TUBB8: variants seen among roughly 807,000 people sequenced by gnomAD.
TUBB8 encodes tubulin beta 8 class VIII.
TUBB8 carries 25 observed loss-of-function variants against 33.7 expected under a neutral mutation model. The observed-to-expected ratio is 0.74, with a 90% CI of 0.54 to 1.04. The LOEUF (loss-of-function observed/expected upper bound fraction) is 1.04, where lower values mean the gene tolerates loss of function less well. Ranked by LOEUF, TUBB8 falls within the 50% of genes least tolerant of loss-of-function variation. TUBB8 has a pLI of 0.00. For synonymous variants in TUBB8, 245 were observed against 240.1 expected (o/e 1.02, Z -0.19); for missense variants, 279 against 608.0 (o/e 0.46, Z 5.69).
chr10:68,879 T>C (rs1448440753), intron 1 of TUBB8, among the ~76,000 whole-genome samples: 1 of 152,220 alleles, frequency 6.6e-6, no homozygotes, highest in African/African-American at 2.4e-5. Context: ...GATTGGGTTT[T>C]CCTTTTTCTG....
At chr10:56,021 A>T (rs1455141694) in intron 1 of TUBB8, among the ~76,000 whole-genome samples, 6 of 152,230 alleles carry the variant, frequency 3.9e-5, no homozygotes, top group African/African-American at 1.4e-4. Flanking sequence ...TCTGTGAGGA[A>T]TGTCATTGTT....
At chr10:71,121 T>C (rs1218498799) in intron 1 of TUBB8, among the ~76,000 whole-genome samples, 5 of 151,724 alleles carry the variant, frequency 3.3e-5, no homozygotes, top group Non-Finnish European at 7.4e-5. Context: ...AGACCAGCCT[T>C]GCCAGCATGG....
intron 1 of TUBB8, among the ~76,000 whole-genome samples, chr10:68,569 T>C (rs1202352336): frequency 1.3e-5 from 2 of 152,208 alleles, no homozygotes; most frequent in African/African-American, 2.4e-5. Flanking sequence ...CATCTCTGCT[T>C]TACTGACATG....
At chr10:50,116 C>G (rs1338248706), upstream of TUBB8, 1 of 152,502 alleles carries the variant, frequency 6.6e-6, no homozygotes, top group Non-Finnish European at 1.5e-5. Flanking sequence ...TGGATAGGTT[C>G]CTCAATTTTG....
At chr10:73,688 C>T (rs1303473697) in intron 1 of TUBB8, among the ~76,000 whole-genome samples, 4 of 151,762 alleles carry the variant, frequency 2.6e-5, no homozygotes. Context: ...CGGGGGCGCC[C>T]GTTTCCTCGA....
intron 1 of TUBB8, chr10:73,958 C>T (rs1196898942): frequency 1.3e-5 from 2 of 156,230 alleles, no homozygotes; most frequent in Non-Finnish European, 2.9e-5. Context: ...GGCAGGAAGC[C>T]TTTTCCTCAC....
chr10:71,348 C>T (rs560967715), intron 1 of TUBB8, among the ~76,000 whole-genome samples: 20 of 152,172 alleles, frequency 1.3e-4, no homozygotes, highest in African/African-American at 4.3e-4. Flanking sequence ...AAAAATACCG[C>T]AGGGCTGGGC....
chr10:51,692 C>T (rs1554739599), upstream of TUBB8, among the ~76,000 whole-genome samples: 1 of 151,468 alleles, frequency 6.6e-6, no homozygotes, highest in Non-Finnish European at 1.5e-5. Context: ...TCTGGAGGGT[C>T]GGTCTAGCAA....
At chr10:65,124 G>C (rs1242520928) in intron 1 of TUBB8, among the ~76,000 whole-genome samples, 4 of 152,142 alleles carry the variant, frequency 2.6e-5, no homozygotes, top group African/African-American at 9.6e-5. Context: ...CTCCTCCCTG[G>C]GCAACAGAGC....
chr10:67,840 T>C (rs1226160045), intron 1 of TUBB8, among the ~76,000 whole-genome samples: 1 of 152,234 alleles, frequency 6.6e-6, no homozygotes. Context: ...GCCACAATCC[T>C]AGCTCTTCAG....
intron 1 of TUBB8, among the ~76,000 whole-genome samples, chr10:64,148 A>G (rs1554741264): frequency 1.3e-5 from 2 of 152,108 alleles, no homozygotes; most frequent in Non-Finnish European, 1.5e-5. Context: ...TTGGGGTAAC[A>G]TAAGCACCCC....
chr10:66,000 T>C (rs189131086), intron 1 of TUBB8, among the ~76,000 whole-genome samples: 1 of 152,292 alleles, frequency 6.6e-6, no homozygotes, highest in African/African-American at 2.4e-5. Context: ...GGATAGGAAT[T>C]TTCTAAACAC....
upstream of TUBB8, among the ~76,000 whole-genome samples, chr10:54,085 A>AT (rs1475203135): frequency 6.0e-5 from 9 of 150,342 alleles, no homozygotes; most frequent in Admixed American, 3.3e-4. Context: ...TGTATAAATT[A>AT]TTTTTTTACC....
intron 1 of TUBB8, among the ~76,000 whole-genome samples, chr10:64,324 C>T (rs1203094079): frequency 8.2e-4 from 103 of 126,084 alleles, no homozygotes; most frequent in Non-Finnish European, 1.5e-3. Flanking sequence ...AACCCTAGTC[C>T]TAGCCTTAGC....
intron 1 of TUBB8, among the ~76,000 whole-genome samples, chr10:56,902 C>A (rs1554740200): frequency 2.0e-5 from 3 of 152,128 alleles, no homozygotes; most frequent in Admixed American, 6.5e-5. Flanking sequence ...AGTCAAAAGT[C>A]TCATCTAAGA....
upstream of TUBB8, among the ~76,000 whole-genome samples, chr10:74,399 G>A (rs1554742829): frequency 1.3e-5 from 2 of 149,428 alleles, no homozygotes; most frequent in African/African-American, 4.9e-5. Context: ...GGCCGAGTCG[G>A]GCGGATCACT....
chr10:63,187 C>T (rs183895035), intron 1 of TUBB8, among the ~76,000 whole-genome samples: 3,781 of 152,182 alleles, frequency 0.025, 51 homozygotes, highest in Middle Eastern at 0.068. Context: ...CATTCTCCTG[C>T]CTCAGCCTCC....
chr10:53,922 ATAGT>A (rs1554739902), upstream of TUBB8, among the ~76,000 whole-genome samples: 1 of 152,282 alleles, frequency 6.6e-6, no homozygotes, highest in Non-Finnish European at 1.5e-5. Flanking sequence ...TTGTGGGTAC[ATAGT>A]TGGTGTATAT....
rs1554738893 is a variant in TUBB8, at chr10:48,849, G to A, written c.121C>T (p.His41Tyr). The change falls in exon 2 of 4, where the codon CAC becomes TAC. Residue 41 changes from histidine (H) to tyrosine (Y), a missense_variant. Transcript: ENST00000568584. The stretch of plus-strand genomic sequence containing the variant: ...ACGTTGATGCGCTCCAGCTGCAGGT[G>A]GCTGTCCCCGTGGTAGGTGCCAGCG... ...DSAGTYHGDS[H>Y]LQLERINVYY... 3.8e-6 allele frequency: 6 copies of A among 1,598,180 alleles called. No individual in the cohort carries two copies. Among genetic ancestry groups the A allele is most frequent in the Admixed American group, 1.8e-5 (1 of 57,010 alleles).
Sources: allele counts gnomAD v4.1 joint callset (sites outside exome capture counted in the v4.1 genomes callset), GRCh38; gene constraint gnomAD v4.1.1; transcripts MANE v1.5; gene names NCBI Gene and HGNC (gene_info 2026-07-23, HGNC 2026-07-21).